Variants in ZNG1B observed in about 807,000 individuals in gnomAD.
The protein encoded by ZNG1B is Zn regulated GTPase metalloprotein activator 1B, also known as zinc-regulated GTPase metalloprotein activator 1B.
chr2:113,481,161 T>C, the ZNG1B span, among the ~76,000 whole-genome samples: 4 of 143,456 alleles, frequency 2.8e-5, no homozygotes, highest in Non-Finnish European at 6.1e-5. Context: ...ACTGAACATA[T>C]GGGAAAAGCA....
chr2:113,457,075 G>C, the ZNG1B span: 1 of 454,662 alleles, frequency 2.2e-6, no homozygotes, highest in Non-Finnish European at 4.4e-6. Context: ...GCAAAGAATT[G>C]GACAACTTAA....
the ZNG1B span, among the ~76,000 whole-genome samples, chr2:113,488,933 T>C: frequency 2.7e-5 from 4 of 149,648 alleles, no homozygotes; most frequent in East Asian, 6.2e-4. Context: ...TAAACGTTTG[T>C]TAAACATATT....
chr2:113,473,503 G>T, the ZNG1B span, among the ~76,000 whole-genome samples: 1 of 151,308 alleles, frequency 6.6e-6, no homozygotes. Flanking sequence ...AATTGCCCTG[G>T]CCAGAACTTC....
At chr2:113,460,450 C>T in the ZNG1B span, among the ~76,000 whole-genome samples, 1 of 151,994 alleles carries the variant, frequency 6.6e-6, no homozygotes, top group African/African-American at 2.4e-5. Context: ...CCCTCTTCCT[C>T]CCCCTATAAA....
At chr2:113,478,126 A>T in the ZNG1B span, among the ~76,000 whole-genome samples, 1 of 145,410 alleles carries the variant, frequency 6.9e-6, no homozygotes, top group African/African-American at 2.6e-5. Context: ...TGAATATCTC[A>T]TAAGTCTCGT....
At chr2:113,437,808 C>T in the ZNG1B span, 2 of 1,604,378 alleles carry the variant, frequency 1.2e-6, no homozygotes. Flanking sequence ...GCGTGCGCGG[C>T]TGCGGTACGG....
chr2:113,448,937 G>C, the ZNG1B span, among the ~76,000 whole-genome samples: 1 of 151,830 alleles, frequency 6.6e-6, no homozygotes, highest in Non-Finnish European at 1.5e-5. Context: ...AAATAAGTCT[G>C]TTGCTTAGTG....
chr2:113,453,432 T>C, the ZNG1B span, among the ~76,000 whole-genome samples: 2 of 151,144 alleles, frequency 1.3e-5, no homozygotes, highest in Admixed American at 6.6e-5. Context: ...TTTGGATTTT[T>C]AGTAGAGACG....
chr2:113,446,068 G>T, the ZNG1B span, among the ~76,000 whole-genome samples: 1 of 151,404 alleles, frequency 6.6e-6, no homozygotes, highest in African/African-American at 2.4e-5. Flanking sequence ...TCTGACTGAT[G>T]ATAGGACTTG....
At chr2:113,445,109 T>C in the ZNG1B span, 3 of 1,596,798 alleles carry the variant, frequency 1.9e-6, no homozygotes, top group Non-Finnish European at 2.6e-6. Context: ...ATACTGTAAA[T>C]AGATGTATTA....
chr2:113,452,231 C>T, the ZNG1B span, among the ~76,000 whole-genome samples: 1 of 152,040 alleles, frequency 6.6e-6, no homozygotes, highest in Non-Finnish European at 1.5e-5. Context: ...TCTTGTGGCC[C>T]TTGCTATATC....
chr2:113,482,002 T>G, the ZNG1B span: 15 of 946,938 alleles, frequency 1.6e-5, no homozygotes, highest in African/African-American at 1.9e-4. Flanking sequence ...TTAAAAAAAC[T>G]TAATCTGCCA....
chr2:113,456,442 C>G, the ZNG1B span, among the ~76,000 whole-genome samples: 1 of 137,332 alleles, frequency 7.3e-6, no homozygotes, highest in African/African-American at 2.8e-5. Context: ...CAGATAACTG[C>G]TAAGACATTT....
the ZNG1B span, among the ~76,000 whole-genome samples, chr2:113,474,996 C>G: frequency 6.9e-6 from 1 of 145,886 alleles, no homozygotes. Flanking sequence ...CTGTAGATGT[C>G]TATTAGGTCT....
the ZNG1B span, among the ~76,000 whole-genome samples, chr2:113,475,444 A>G: frequency 2.8e-4 from 42 of 150,108 alleles, no homozygotes; most frequent in Non-Finnish European, 4.0e-4. Flanking sequence ...TCTTTATCCA[A>G]TTTGCCAGTC....
At chr2:113,476,466 G>C in the ZNG1B span, among the ~76,000 whole-genome samples, 11 of 149,688 alleles carry the variant, frequency 7.3e-5, no homozygotes, top group African/African-American at 2.3e-4. Context: ...TAGTTTGATC[G>C]TCTGAAGCCT....
the ZNG1B span, among the ~76,000 whole-genome samples, chr2:113,485,075 TAA>T: frequency 1.4e-5 from 2 of 145,570 alleles, no homozygotes; most frequent in African/African-American, 5.2e-5. Context: ...TCCAAAATTG[TAA>T]AGAGTTCCTT....
At chr2:113,447,966 T>C in the ZNG1B span, 1 of 390,450 alleles carries the variant, frequency 2.6e-6, no homozygotes, top group Middle Eastern at 9.3e-4. Flanking sequence ...CAAACTCCTA[T>C]TCATGTTGAT....
the ZNG1B span, chr2:113,460,826 A>G: frequency 6.5e-7 from 1 of 1,535,202 alleles, no homozygotes; most frequent in South Asian, 1.2e-5. Context: ...TAGTCAACGA[A>G]AATTTATTTT....
Sources: gnomAD v4.1 joint callset for allele counts (sites outside exome capture counted in the v4.1 genomes callset) on GRCh38, gnomAD v4.1.1 for gene constraint, MANE v1.5 for transcripts, NCBI Gene and HGNC (gene_info 2026-07-23, HGNC 2026-07-21) for gene names.